Variants in NMT2 observed in about 807,000 individuals in gnomAD.
NMT2 encodes the protein glycylpeptide N-tetradecanoyltransferase 2.
Under a neutral mutation model 65.4 loss-of-function variants are expected in NMT2, and 35 were observed. The ratio of observed to expected loss-of-function variants is 0.54; its 90% CI spans 0.41 to 0.71. NMT2 has a LOEUF of 0.71. Among genes scored for constraint, NMT2 ranks in the 30% least tolerant of loss-of-function variants. The pLI is 0.00. For missense variants in NMT2, 489 were observed against 611.3 expected, an observed-to-expected ratio of 0.80 and a Z score of 2.11; for synonymous variants, 226 against 231.8, an observed-to-expected ratio of 0.98 and a Z score of 0.23.
chr10:15,151,963 T>C (rs1485565754), intron 1 of NMT2, among the ~76,000 whole-genome samples: 1 of 152,200 alleles, frequency 6.6e-6, no homozygotes, highest in Non-Finnish European at 1.5e-5. Context: ...GAGGCAGAGG[T>C]TGCAGTGAGC....
intron 2 of NMT2, 109 bp from the exon 3 acceptor site, chr10:15,135,527 ATCC>A: frequency 1.8e-6 from 2 of 1,091,918 alleles, no homozygotes; most frequent in Non-Finnish European, 2.7e-6. Context: ...AACACTAACA[ATCC>A]TCCTCCAAGC....
chr10:15,132,965 C>G, intron 5 of NMT2, 32 bp from the exon 6 acceptor site: 2 of 1,597,998 alleles, frequency 1.3e-6, no homozygotes, highest in Non-Finnish European at 1.7e-6. Context: ...AAACAGGCAC[C>G]AGTTATTGTC....
At chr10:15,130,595 T>G (rs1846244134) in intron 6 of NMT2, among the ~76,000 whole-genome samples, 1 of 150,558 alleles carries the variant, frequency 6.6e-6, no homozygotes, top group Non-Finnish European at 1.5e-5. Context: ...TCCCAGCTAC[T>G]TGGGAGGCTG....
At chr10:15,141,226 GCA>G (rs1846743861) in intron 2 of NMT2, 194 bp downstream of exon 2, 2 of 800,952 alleles carry the variant, frequency 2.5e-6, no homozygotes, top group South Asian at 1.8e-5. Flanking sequence ...ACACACAAAA[GCA>G]CAGTGTACCC....
chr10:15,138,525 G>A (rs939017794), intron 2 of NMT2: 4 of 468,480 alleles, frequency 8.5e-6, no homozygotes, highest in Non-Finnish European at 1.8e-5. Context: ...CTATATAAGA[G>A]GCAGGTATAT....
intron 9 of NMT2, among the ~76,000 whole-genome samples, chr10:15,119,035 C>T (rs568733824): frequency 6.6e-6 from 1 of 152,304 alleles, no homozygotes; most frequent in South Asian, 2.1e-4. Context: ...ATCAACGGTG[C>T]AAAGCAGTGC....
At position 15,135,255 on chromosome 10, in the gene NMT2, G is replaced by C. The variant is rs1479243333; in HGVS notation, c.391+19C>G. The C allele has an allele frequency of 1.2e-6, 2 of 1,613,156 alleles. No homozygotes were observed. Among genetic ancestry groups the C allele is most frequent in the Non-Finnish European group, 1.7e-6 (2 of 1,179,688 alleles). On this transcript the variant is annotated intron_variant, in intron 3 of 11. Coordinates refer to ENST00000378165, the MANE Select transcript of NMT2 (RefSeq NM_004808.3). The stretch of plus-strand genomic sequence containing the variant: ...AGCTTTGTTTGTGGGGAAAAAAAGA[G>C]AAAAGCAGAAAAACTTACCTAGTTT...
At chr10:15,129,983 C>T (rs1355761038) in intron 7 of NMT2, among the ~76,000 whole-genome samples, 159 bp downstream of exon 7, 2 of 150,716 alleles carry the variant, frequency 1.3e-5, no homozygotes, top group Non-Finnish European at 2.9e-5. Context: ...TTTTAATCAC[C>T]AAGTGGCAAA....
intron 1 of NMT2, chr10:15,155,020 G>A (rs748999854): frequency 9.2e-6 from 11 of 1,198,306 alleles, no homozygotes; most frequent in South Asian, 7.2e-5. Context: ...GGACCTGTAT[G>A]CTTCATGGAC....
chr10:15,164,306 T>C (rs753683697), intron 1 of NMT2, among the ~76,000 whole-genome samples: 3 of 151,514 alleles, frequency 2.0e-5, no homozygotes, highest in Non-Finnish European at 2.9e-5. Flanking sequence ...CCTATATAAA[T>C]CTTCTTAGTA....
intron 10 of NMT2, among the ~76,000 whole-genome samples, chr10:15,110,326 G>A (rs1400330214): frequency 6.6e-6 from 1 of 151,508 alleles, no homozygotes; most frequent in Non-Finnish European, 1.5e-5. Flanking sequence ...TATAAAACTA[G>A]CAGTGTGGCT....
intron 1 of NMT2, chr10:15,154,837 T>C (rs1435446772): frequency 2.6e-6 from 2 of 777,802 alleles, no homozygotes; most frequent in Non-Finnish European, 4.5e-6. Flanking sequence ...ATCTTCTTCC[T>C]GCTCTTGCCA....
chr10:15,136,093 G>A (rs1480957444), intron 2 of NMT2, among the ~76,000 whole-genome samples: 1 of 151,854 alleles, frequency 6.6e-6, no homozygotes, highest in Non-Finnish European at 1.5e-5. Flanking sequence ...CAGGCATGAT[G>A]GCAGGTAATC....
intron 10 of NMT2, among the ~76,000 whole-genome samples, chr10:15,112,454 C>T (rs1845594646): frequency 6.6e-6 from 1 of 151,098 alleles, no homozygotes; most frequent in Non-Finnish European, 1.5e-5. Context: ...GTCTTAAACT[C>T]CTAACCTCAG....
chr10:15,150,650 G>A (rs1235415528), intron 1 of NMT2, among the ~76,000 whole-genome samples: 5 of 152,038 alleles, frequency 3.3e-5, no homozygotes, highest in Admixed American at 6.6e-5. Flanking sequence ...GCTCAGAGCC[G>A]TCCCAAAAGT....
chr10:15,163,738 C>A (rs777075776), intron 1 of NMT2, among the ~76,000 whole-genome samples: 7 of 152,212 alleles, frequency 4.6e-5, no homozygotes, highest in Non-Finnish European at 8.8e-5. Flanking sequence ...TCAGATACAA[C>A]AACATAGTGC....
At position 15,127,546 on chromosome 10, in the gene NMT2, CA is replaced by C. The variant is rs1239422956; in HGVS notation, c.999+803del. Among the ~76,000 whole-genome samples, 82 of 51,376 alleles carry C rather than the reference CA, an allele frequency of 1.6e-3. 1 individual carries two copies. Among genetic ancestry groups the C allele is most frequent in the African/African-American group, 2.7e-3 (54 of 20,294 alleles). The allele number at this position is 51,376 out of a possible 152,430, so 33.7% of individuals were successfully genotyped here. ...TGGGCGACAGAGTGAGACTCCGTCT[CA>C]AAAAAAAAAAAAAAAAAAAAAAATA... On this transcript the variant is annotated intron_variant, in intron 8 of 11. Coordinates refer to ENST00000378165, the MANE Select transcript of NMT2 (RefSeq NM_004808.3).
chr10:15,126,097 G>A (rs553689222), intron 8 of NMT2, among the ~76,000 whole-genome samples: 5 of 152,204 alleles, frequency 3.3e-5, no homozygotes, highest in South Asian at 2.1e-4. Flanking sequence ...CTCCTGTTAC[G>A]TGTGGGCAGG....
chr10:15,135,356 T>C lies in NMT2; in HGVS notation c.309A>G (p.Ala103=), dbSNP rs1846443144. The C allele has an allele frequency of 6.2e-7, 1 of 1,614,094 alleles. No homozygotes were observed. The highest frequency in any genetic ancestry group is 1.1e-5 in the South Asian group (1 of 91,078). ...DIQRAMELLS[A]CQGPARNIDE... ...CAATGTTCCTGGCTGGGCCCTGGCATGCGGATAGCAGCTCCATTGCTCTCT... is the reference window on the plus strand; with the variant it reads ...CAATGTTCCTGGCTGGGCCCTGGCACGCGGATAGCAGCTCCATTGCTCTCT... Residue 103 remains alanine, a synonymous_variant, in exon 3 of 12, where the codon GCA becomes GCG. Coordinates refer to ENST00000378165, the MANE Select transcript of NMT2 (RefSeq NM_004808.3).
Sources: allele counts gnomAD v4.1 joint callset (sites outside exome capture counted in the v4.1 genomes callset), GRCh38; gene constraint gnomAD v4.1.1; transcripts MANE v1.5; gene names NCBI Gene and HGNC (gene_info 2026-07-23, HGNC 2026-07-21).